INPP4B: variants seen among roughly 807,000 people sequenced by gnomAD.
INPP4B encodes inositol polyphosphate 4-phosphatase type II.
In INPP4B, 55 loss-of-function variants were observed where a neutral mutation model predicts 122.5. That is an observed-to-expected ratio of 0.45 (90% CI 0.36 to 0.56). The LOEUF (loss-of-function observed/expected upper bound fraction) is 0.56. INPP4B is among the 20% of genes least tolerant of loss of function. The pLI is 0.00. For synonymous variants in INPP4B, 403 were observed against 388.7 expected, an observed-to-expected ratio of 1.04 and a Z score of -0.43; for missense variants, 1,000 against 1,097.7, an observed-to-expected ratio of 0.91 and a Z score of 1.26.
rs78448093 is a variant in INPP4B, at chr4:142,839,786, T to C, written c.-254+6423A>G. On this transcript the variant is annotated intron_variant, in intron 1 of 25. Transcript: ENST00000262992. The stretch of plus-strand genomic sequence containing the variant: ...GTGGGAATGCATTGTACTACTCTTA[T>C]TTTCTACCTTTGAAATGTTACATAA... Among the ~76,000 whole-genome samples, 904 of 152,292 alleles carry C rather than the reference T, an allele frequency of 5.9e-3. 7 individuals are homozygous for C. Among genetic ancestry groups the C allele is most frequent in the African/African-American group, 0.021 (863 of 41,544 alleles).
Position 142,023,660 on chromosome 4 carries a change from A to T in INPP4B, c.*5122T>A, listed in dbSNP as rs979736709. On this transcript the variant is annotated 3_prime_UTR_variant, in exon 26 of 26. Transcript: ENST00000262992. Reference sequence around the variant, plus strand: ...AGGTCATCATTGATCGCGTCCTTTCATGACCTGGCGGTAATTTAGATGATT... The same window carrying T: ...AGGTCATCATTGATCGCGTCCTTTCTTGACCTGGCGGTAATTTAGATGATT... 5.9e-5 allele frequency: 9 copies of T among 152,194 alleles called. No homozygotes were observed. The highest frequency in any genetic ancestry group is 2.2e-4 in the African/African-American group (9 of 41,458). 9.4% of individuals were successfully genotyped at this position (152,194 alleles called of 1,614,324 possible).
At chr4:142,290,195 CTTTTTTTTTTTT>C (rs35260066) in intron 9 of INPP4B, among the ~76,000 whole-genome samples, 19 of 77,502 alleles carry the variant, frequency 2.5e-4, no homozygotes, top group South Asian at 5.0e-4. Context: ...TTCTTTCTTC[CTTTTTTTTTTTT>C]TTTTTTTTTT....
intron 18 of INPP4B, among the ~76,000 whole-genome samples, chr4:142,137,941 C>G (rs1359768539): frequency 6.6e-6 from 1 of 152,076 alleles, no homozygotes; most frequent in Non-Finnish European, 1.5e-5. Flanking sequence ...GTTGGTGGGA[C>G]TGTAAACTAG....
intron 7 of INPP4B, among the ~76,000 whole-genome samples, chr4:142,375,378 T>C (rs1020381755): frequency 6.6e-6 from 1 of 151,768 alleles, no homozygotes; most frequent in African/African-American, 2.4e-5. Context: ...TCTTTGATCA[T>C]TTTCTCCTTC....
chr4:142,362,959 C>A (rs897930575), intron 7 of INPP4B, among the ~76,000 whole-genome samples: 2 of 152,010 alleles, frequency 1.3e-5, no homozygotes. Context: ...CCTTGTAAGA[C>A]ACCTGCACAT....
intron 18 of INPP4B, 77 bp downstream of exon 18, chr4:142,145,763 T>C: frequency 1.4e-6 from 2 of 1,426,442 alleles, no homozygotes; most frequent in Non-Finnish European, 9.8e-7. Context: ...ACTCCTCTTC[T>C]TCTATATCAT....
chr4:142,046,992 G>A (rs1413950502), intron 25 of INPP4B, among the ~76,000 whole-genome samples: 1 of 152,136 alleles, frequency 6.6e-6, no homozygotes, highest in East Asian at 1.9e-4. Context: ...TTTTATCTCA[G>A]ATACATTTTT....
chr4:142,493,151 TTGGGA>T (rs1822094307), intron 2 of INPP4B, among the ~76,000 whole-genome samples: 1 of 152,174 alleles, frequency 6.6e-6, no homozygotes, highest in African/African-American at 2.4e-5. Context: ...GAATTGAGAT[TTGGGA>T]ACCTCTACCT....
chr4:142,709,024 A>T (rs12233703), intron 2 of INPP4B, among the ~76,000 whole-genome samples: 99,983 of 152,008 alleles, frequency 0.66, 33,070 homozygotes, highest in East Asian at 0.8. Flanking sequence ...CATCCCTTGC[A>T]TCAGAGTGCC....
At chr4:142,327,765 C>A (rs1201182586) in intron 7 of INPP4B, among the ~76,000 whole-genome samples, 1 of 152,166 alleles carries the variant, frequency 6.6e-6, no homozygotes, top group Non-Finnish European at 1.5e-5. Flanking sequence ...CTCAAAACAA[C>A]CCTGTGAGAA....
chr4:142,132,659 C>G (rs986581308), intron 18 of INPP4B, among the ~76,000 whole-genome samples: 49 of 152,264 alleles, frequency 3.2e-4, no homozygotes, highest in South Asian at 2.3e-3. Flanking sequence ...TACACCAGAT[C>G]TCATCCTCTC....
At chr4:142,053,469 G>A (rs1365389562) in intron 25 of INPP4B, among the ~76,000 whole-genome samples, 4 of 152,046 alleles carry the variant, frequency 2.6e-5, no homozygotes, top group African/African-American at 7.2e-5. Flanking sequence ...ATAAACACTG[G>A]TGATATTGGT....
At chr4:142,805,576 C>A (rs1778578098) in intron 1 of INPP4B, among the ~76,000 whole-genome samples, 1 of 152,160 alleles carries the variant, frequency 6.6e-6, no homozygotes, top group Non-Finnish European at 1.5e-5. Context: ...GACAGCAAGA[C>A]CAACCCTTCC....
intron 15 of INPP4B, among the ~76,000 whole-genome samples, chr4:142,190,885 G>T (rs944461599): frequency 1.3e-5 from 2 of 152,002 alleles, no homozygotes; most frequent in Admixed American, 6.6e-5. Flanking sequence ...ACAGAAATAT[G>T]TTTCATAAAA....
chr4:142,365,138 G>GAATT (rs1786963269), intron 7 of INPP4B, among the ~76,000 whole-genome samples: 1 of 152,098 alleles, frequency 6.6e-6, no homozygotes, highest in Admixed American at 6.6e-5. Flanking sequence ...CAACTGGGCA[G>GAATT]AATTTGAGTA....
chr4:142,594,261 G>A (rs1052908201), intron 2 of INPP4B, among the ~76,000 whole-genome samples: 10 of 150,010 alleles, frequency 6.7e-5, no homozygotes, highest in Non-Finnish European at 1.5e-4. Flanking sequence ...ATTATTTCTT[G>A]AGGTAAATTT....
intron 3 of INPP4B, among the ~76,000 whole-genome samples, chr4:142,446,489 A>T (rs1432344852): frequency 6.6e-6 from 1 of 152,184 alleles, no homozygotes; most frequent in Non-Finnish European, 1.5e-5. Context: ...GATATCCAGT[A>T]AAGTTAAAAA....
chr4:142,374,451 G>C (rs1044474138), intron 7 of INPP4B, among the ~76,000 whole-genome samples: 1 of 151,852 alleles, frequency 6.6e-6, no homozygotes, highest in African/African-American at 2.4e-5. Context: ...TTTTTTAGAA[G>C]GGGAGAAGTG....
chr4:142,028,984 C>A, intron 25 of INPP4B, 70 bp from the exon 26 acceptor site: 1 of 1,518,304 alleles, frequency 6.6e-7, no homozygotes. Flanking sequence ...TTGTTTAATG[C>A]AGAGTTGCAG....
Sources: allele counts gnomAD v4.1 joint callset (sites outside exome capture counted in the v4.1 genomes callset), GRCh38; gene constraint gnomAD v4.1.1; transcripts MANE v1.5; gene names NCBI Gene and HGNC (gene_info 2026-07-23, HGNC 2026-07-21).